Variants in FGF14 observed in about 807,000 individuals in gnomAD.
FGF14 encodes the protein fibroblast growth factor 14.
In FGF14, 5 loss-of-function variants were observed where a neutral mutation model predicts 25.5. The ratio of observed to expected loss-of-function variants is 0.20; its 90% confidence interval spans 0.10 to 0.41. The LOEUF (loss-of-function observed/expected upper bound fraction) is 0.41. Among genes scored for constraint, FGF14 ranks in the 10% least tolerant of loss-of-function variants. The pLI is 1.00. For synonymous variants in FGF14, 138 were observed against 118.3 expected, an observed-to-expected ratio of 1.17 and a Z score of -1.08; for missense variants, 222 against 320.1, an observed-to-expected ratio of 0.69 and a Z score of 2.34.
At chr13:102,017,805 T>C (rs145245088) in intron 1 of FGF14, among the ~76,000 whole-genome samples, 1 of 152,234 alleles carries the variant, frequency 6.6e-6, no homozygotes, top group East Asian at 1.9e-4. Flanking sequence ...CTTTATTAAT[T>C]ATCTTTTTGG....
At chr13:102,230,697 T>C (rs144311413) in intron 1 of FGF14, among the ~76,000 whole-genome samples, 3 of 152,290 alleles carry the variant, frequency 2.0e-5, no homozygotes, top group East Asian at 3.9e-4. Flanking sequence ...AGAACTTGTG[T>C]CATTTATTCC....
chr13:102,048,293 T>C (rs2042078719), intron 1 of FGF14, among the ~76,000 whole-genome samples: 2 of 152,004 alleles, frequency 1.3e-5, no homozygotes, highest in African/African-American at 2.4e-5. Context: ...GAAAAGGGGG[T>C]GTGAGGGAAT....
intron 1 of FGF14, among the ~76,000 whole-genome samples, chr13:101,955,011 C>T (rs1409200850): frequency 1.3e-5 from 2 of 152,156 alleles, no homozygotes; most frequent in Non-Finnish European, 2.9e-5. Flanking sequence ...GAAACTCTTG[C>T]TGGGGCTTTT....
chr13:102,266,798 A>C (rs2053012842), intron 1 of FGF14, among the ~76,000 whole-genome samples: 1 of 152,186 alleles, frequency 6.6e-6, no homozygotes, highest in Non-Finnish European at 1.5e-5. Context: ...AAAAGAGTGG[A>C]ATATATACTG....
intron 1 of FGF14, among the ~76,000 whole-genome samples, chr13:102,104,187 T>C (rs1005403827): frequency 1.3e-5 from 2 of 152,226 alleles, no homozygotes; most frequent in Non-Finnish European, 2.9e-5. Context: ...CACCAACTTG[T>C]ACTGAAGTTG....
intron 1 of FGF14, among the ~76,000 whole-genome samples, chr13:102,381,836 C>A (rs1595010413): frequency 6.6e-6 from 1 of 152,022 alleles, no homozygotes; most frequent in East Asian, 1.9e-4. Flanking sequence ...TTTGGTAAAA[C>A]AAATTAAGAA....
chr13:101,771,456 T>C (rs1003840140), intron 3 of FGF14, among the ~76,000 whole-genome samples: 11 of 152,134 alleles, frequency 7.2e-5, no homozygotes, highest in African/African-American at 9.7e-5. Flanking sequence ...TAGATTATTA[T>C]CACTCATGTG....
rs529465317 is a variant in FGF14, at chr13:101,716,515, T to C, written c.*6316A>G. The C allele has an allele frequency of 1.6e-4, 24 of 152,130 alleles. No individual in the cohort carries two copies. Among genetic ancestry groups the C allele is most frequent in the Admixed American group, 1.2e-3 (18 of 15,278 alleles). 9.4% of individuals were successfully genotyped at this position (152,130 alleles called of 1,614,324 possible). A position where few individuals can be genotyped will look rare whatever the true frequency, so the allele number is the denominator to read the frequency against. On this transcript the variant is annotated 3_prime_UTR_variant, in exon 5 of 5. Transcript: ENST00000376143. ...GTTATTCAGGGATATCTATTTTAGG[T>C]TTCTAGAAATAAGGGATCACATTTT...
chr13:101,739,091 A>G (rs1054384189), intron 3 of FGF14, among the ~76,000 whole-genome samples: 1 of 81,332 alleles, frequency 1.2e-5, no homozygotes, highest in African/African-American at 4.0e-5. Context: ...CTTTAACAGT[A>G]TATATATATA....
At chr13:102,335,930 G>A (rs750608313) in intron 1 of FGF14, among the ~76,000 whole-genome samples, 16 of 152,098 alleles carry the variant, frequency 1.1e-4, no homozygotes, top group Non-Finnish European at 2.1e-4. Context: ...ATGTAAGACC[G>A]TGAACTTCAT....
chr13:102,322,003 T>C (rs1433320233), intron 1 of FGF14, among the ~76,000 whole-genome samples: 1 of 152,140 alleles, frequency 6.6e-6, no homozygotes, highest in Non-Finnish European at 1.5e-5. Context: ...AGATTGAGCC[T>C]AGGAAGGGTG....
intron 1 of FGF14, among the ~76,000 whole-genome samples, chr13:102,039,528 T>C (rs1379602986): frequency 6.6e-6 from 1 of 152,140 alleles, no homozygotes; most frequent in African/African-American, 2.4e-5. Context: ...CTGACAGCAA[T>C]CCTGGTGTTC....
chr13:102,011,327 C>T (rs996280212), intron 1 of FGF14, among the ~76,000 whole-genome samples: 1 of 152,212 alleles, frequency 6.6e-6, no homozygotes, highest in African/African-American at 2.4e-5. Context: ...TATTCCTTCC[C>T]TTTTCTTACT....
chr13:102,082,418 A>G (rs575628916), intron 1 of FGF14, among the ~76,000 whole-genome samples: 32 of 152,326 alleles, frequency 2.1e-4, no homozygotes, highest in African/African-American at 7.7e-4. Context: ...ACTTTAATCC[A>G]TCTTCCCAAA....
Position 101,807,715 on chromosome 13 carries a change from G to A in FGF14, c.408+61010C>T, listed in dbSNP as rs75912909. On this transcript the variant is annotated intron_variant, in intron 3 of 4. Coordinates refer to ENST00000376143, the MANE Select transcript of FGF14 (RefSeq NM_004115.4). The stretch of plus-strand genomic sequence containing the variant: ...AGGTATACTTAATCTATATCACTTC[G>A]AAACAAAGGAGTGAGTGGAAAGGAG... Among the ~76,000 whole-genome samples, 290 of 151,994 alleles carry A rather than the reference G, an allele frequency of 1.9e-3. 4 individuals are homozygous for A. The highest frequency in any genetic ancestry group is 0.014 in the Admixed American group (213 of 15,246).
intron 1 of FGF14, among the ~76,000 whole-genome samples, chr13:102,168,712 G>A (rs4772447): frequency 0.17 from 25,503 of 151,978 alleles, 3,206 homozygotes; most frequent in East Asian, 0.7. Context: ...TTGAAAATAC[G>A]CTAATATTTT....
intron 1 of FGF14, among the ~76,000 whole-genome samples, chr13:101,996,742 G>T (rs751662618): frequency 1.3e-5 from 2 of 152,150 alleles, no homozygotes; most frequent in African/African-American, 4.8e-5. Flanking sequence ...TACTTCAAGT[G>T]ATCTCCTTTA....
chr13:101,952,906 C>T (rs933316141), intron 1 of FGF14, among the ~76,000 whole-genome samples: 5 of 151,996 alleles, frequency 3.3e-5, no homozygotes, highest in African/African-American at 9.7e-5. Flanking sequence ...TGGTGGTAGG[C>T]GCCTGTGATC....
intron 1 of FGF14, among the ~76,000 whole-genome samples, chr13:102,011,181 T>G (rs1160900457): frequency 6.6e-6 from 1 of 152,194 alleles, no homozygotes; most frequent in Non-Finnish European, 1.5e-5. Flanking sequence ...TAATAACATT[T>G]TATTAATTGC....
Sources: gnomAD v4.1 joint callset for allele counts (sites outside exome capture counted in the v4.1 genomes callset) on GRCh38, gnomAD v4.1.1 for gene constraint, MANE v1.5 for transcripts, NCBI Gene and HGNC (gene_info 2026-07-23, HGNC 2026-07-21) for gene names.